The following ZNF438 variants were observed in gnomAD, a reference collection of about 807,000 sequenced individuals.
ZNF438 encodes zinc finger protein 438.
Under a neutral mutation model 38.0 loss-of-function variants are expected in ZNF438, and 25 were observed. That is an observed-to-expected ratio of 0.66 (90% CI 0.48 to 0.92). The LOEUF (loss-of-function observed/expected upper bound fraction) is 0.92, where lower values mean the gene tolerates loss of function less well. Among genes scored for constraint, ZNF438 ranks in the 40% least tolerant of loss-of-function variants. The probability of loss-of-function intolerance (pLI) is 0.00; values close to 1 mark genes in which losing one functional copy is unlikely to be tolerated. For synonymous variants in ZNF438, 372 were observed against 364.1 expected (o/e 1.02, Z -0.25); for missense variants, 1,007 against 999.6 (o/e 1.01, Z -0.10).
intron 1 of ZNF438, among the ~76,000 whole-genome samples, chr10:30,947,819 T>A (rs1241299641): frequency 6.6e-6 from 1 of 152,172 alleles, no homozygotes; most frequent in Non-Finnish European, 1.5e-5. Flanking sequence ...TTTCTTTGAC[T>A]CGGAAAGGGA....
intron 2 of ZNF438, among the ~76,000 whole-genome samples, chr10:30,926,826 T>C (rs906206653): frequency 2.0e-5 from 3 of 152,094 alleles, no homozygotes; most frequent in African/African-American, 7.2e-5. Flanking sequence ...CTTCTGGAAT[T>C]CACATGGTAA....
intron 1 of ZNF438, among the ~76,000 whole-genome samples, chr10:31,002,545 A>G (rs1270407745): frequency 6.6e-6 from 1 of 152,252 alleles, no homozygotes; most frequent in Non-Finnish European, 1.5e-5. Context: ...TACTTTTCAA[A>G]AATACGATTA....
chr10:30,869,509 C>T (rs2037042025), intron 4 of ZNF438, among the ~76,000 whole-genome samples: 1 of 151,856 alleles, frequency 6.6e-6, no homozygotes, highest in African/African-American at 2.4e-5. Flanking sequence ...CCATATATGG[C>T]TGGTCTACTT....
intron 5 of ZNF438, among the ~76,000 whole-genome samples, chr10:30,846,317 G>A (rs1159034052): frequency 2.0e-5 from 3 of 152,244 alleles, no homozygotes; most frequent in Non-Finnish European, 4.4e-5. Flanking sequence ...CTAGTCCTGA[G>A]AGTGTCAGGT....
intron 1 of ZNF438, among the ~76,000 whole-genome samples, chr10:30,956,388 C>T (rs1441238767): frequency 6.6e-6 from 1 of 152,134 alleles, no homozygotes; most frequent in Non-Finnish European, 1.5e-5. Flanking sequence ...TTATGGAATA[C>T]AGTGTGGTAT....
intron 5 of ZNF438, among the ~76,000 whole-genome samples, chr10:30,848,310 G>A (rs939389372): frequency 6.6e-6 from 1 of 152,204 alleles, no homozygotes; most frequent in Admixed American, 6.5e-5. Flanking sequence ...ACTATATACA[G>A]TACTTTACTA....
intron 1 of ZNF438, among the ~76,000 whole-genome samples, chr10:30,945,779 C>T (rs1157074568): frequency 6.1e-5 from 7 of 114,886 alleles, no homozygotes; most frequent in African/African-American, 2.4e-4. Flanking sequence ...ATATGTGCCA[C>T]ATTTTCTTAA....
chr10:30,909,436 T>TC (rs938537743), intron 2 of ZNF438, among the ~76,000 whole-genome samples: 5 of 152,164 alleles, frequency 3.3e-5, no homozygotes, highest in African/African-American at 1.2e-4. Flanking sequence ...TCTAACTGAA[T>TC]AAAACACAGA....
At chr10:30,984,862 G>A (rs1482345514) in intron 1 of ZNF438, among the ~76,000 whole-genome samples, 1 of 152,130 alleles carries the variant, frequency 6.6e-6, no homozygotes, top group Admixed American at 6.6e-5. Flanking sequence ...AGTAAAGTGT[G>A]TCAGTTTGCC....
Position 30,960,635 on chromosome 10 carries a change from C to T in ZNF438, c.-191-18984G>A, listed in dbSNP as rs983123842. Among the ~76,000 whole-genome samples the T allele has an allele frequency of 5.5e-5, 8 of 146,662 alleles. 1 individual carries two copies. Among genetic ancestry groups the T allele is most frequent in the Admixed American group, 4.8e-4 (7 of 14,520 alleles). Reference sequence around the variant, plus strand: ...TGATTTATATGCTTATCCTATGCCACGGCCACGTTGTCCTGAATACTGTCA... The same window carrying T: ...TGATTTATATGCTTATCCTATGCCATGGCCACGTTGTCCTGAATACTGTCA... On this transcript the variant is annotated intron_variant, in intron 1 of 5. Transcript: ENST00000413025.
At chr10:31,015,889 A>G (rs1307323660) in intron 1 of ZNF438, among the ~76,000 whole-genome samples, 1 of 152,166 alleles carries the variant, frequency 6.6e-6, no homozygotes, top group African/African-American at 2.4e-5. Context: ...GAGCTCTGGT[A>G]TCTCTTCCTC....
intron 1 of ZNF438, among the ~76,000 whole-genome samples, chr10:30,955,060 T>C (rs1273789235): frequency 6.6e-6 from 1 of 152,214 alleles, no homozygotes; most frequent in African/African-American, 2.4e-5. Flanking sequence ...TGAATGGGAA[T>C]GTTTACTGCA....
At chr10:30,865,984 CA>C (rs1209046575) in intron 4 of ZNF438, among the ~76,000 whole-genome samples, 1 of 152,168 alleles carries the variant, frequency 6.6e-6, no homozygotes, top group Non-Finnish European at 1.5e-5. Context: ...TCGACATTTG[CA>C]CTTGTTGCGC....
At position 30,973,897 on chromosome 10, in the gene ZNF438, G is replaced by A. The variant is rs147916642; in HGVS notation, c.-191-32246C>T. 5.8e-3 allele frequency among the ~76,000 whole-genome samples: 879 copies of A among 152,278 alleles called. 6 individuals are homozygous for A. The highest frequency in any genetic ancestry group is 0.015 in the Admixed American group (228 of 15,284). On this transcript the variant is annotated intron_variant, in intron 1 of 5. Transcript: ENST00000413025. ...TGAAAACTCTCTCTGCCCACCCTGC[G>A]TGTGACCATGCCCAGCTCAACTTAC...
intron 1 of ZNF438, among the ~76,000 whole-genome samples, chr10:31,014,452 G>T (rs987300654): frequency 6.6e-6 from 1 of 152,088 alleles, no homozygotes; most frequent in African/African-American, 2.4e-5. Context: ...TCTTATAAGC[G>T]CACTATTCAC....
At chr10:30,849,160 T>C in exon 5 of ZNF438, 1 of 1,613,912 alleles carries the variant, frequency 6.2e-7, no homozygotes, top group Non-Finnish European at 8.5e-7. Flanking sequence ...GATCATTTTT[T>C]ACTCTTTCTT....
At chr10:31,006,771 C>T (rs373488878) in intron 1 of ZNF438, among the ~76,000 whole-genome samples, 1 of 2,452 alleles carries the variant, frequency 4.1e-4, no homozygotes, top group Non-Finnish European at 7.7e-4. Context: ...GTGTGGTTGG[C>T]GGGGGGCGGG....
intron 1 of ZNF438, among the ~76,000 whole-genome samples, chr10:31,019,469 T>C (rs1203787297): frequency 6.6e-6 from 1 of 152,302 alleles, no homozygotes; most frequent in Non-Finnish European, 1.5e-5. Context: ...TTTGATGGCG[T>C]CAACTTTGAT....
At chr10:31,028,649 C>T (rs930851565) in intron 1 of ZNF438, among the ~76,000 whole-genome samples, 3 of 152,140 alleles carry the variant, frequency 2.0e-5, no homozygotes, top group African/African-American at 7.2e-5. Context: ...TGCATTTAGT[C>T]TACTCTAATT....
Sources: allele counts gnomAD v4.1 joint callset (sites outside exome capture counted in the v4.1 genomes callset), GRCh38; gene constraint gnomAD v4.1.1; transcripts MANE v1.5; gene names NCBI Gene and HGNC (gene_info 2026-07-23, HGNC 2026-07-21).